Variants in CPA6 observed in about 807,000 individuals in gnomAD.
The protein encoded by CPA6 is carboxypeptidase B.
A neutral mutation model predicts 63.3 loss-of-function variants in CPA6; 58 were observed. That is an observed-to-expected ratio of 0.92 (90% CI 0.74 to 1.14). CPA6 has a LOEUF of 1.14. Ranked by LOEUF, CPA6 falls within the 50% of genes most tolerant of loss-of-function variation. The pLI is 0.00. For synonymous variants in CPA6, 185 were observed against 179.0 expected (o/e 1.03, Z -0.27); for missense variants, 565 against 526.6 (o/e 1.07, Z -0.71).
chr8:67,588,838 A>C (rs1397746890), intron 2 of CPA6, among the ~76,000 whole-genome samples: 1 of 152,198 alleles, frequency 6.6e-6, no homozygotes, highest in African/African-American at 2.4e-5. Context: ...AGCCAGGTTT[A>C]CATTAAAGAT....
intron 2 of CPA6, among the ~76,000 whole-genome samples, chr8:67,586,433 A>G (rs1377225001): frequency 6.6e-6 from 1 of 152,174 alleles, no homozygotes; most frequent in African/African-American, 2.4e-5. Context: ...AGTAAGTATT[A>G]TTACTACTAT....
chr8:67,449,378 T>G (rs1311247558), intron 8 of CPA6, among the ~76,000 whole-genome samples: 1 of 152,264 alleles, frequency 6.6e-6, no homozygotes, highest in Admixed American at 6.5e-5. Context: ...AAGTATGCTC[T>G]GATACAGGCA....
At chr8:67,631,834 C>T (rs1053132482) in intron 1 of CPA6, among the ~76,000 whole-genome samples, 1 of 152,026 alleles carries the variant, frequency 6.6e-6, no homozygotes, top group Non-Finnish European at 1.5e-5. Flanking sequence ...ATGAACAACT[C>T]CAGACGTGCC....
chr8:67,744,102 T>C (rs1817962970), intron 1 of CPA6, among the ~76,000 whole-genome samples: 1 of 152,208 alleles, frequency 6.6e-6, no homozygotes, highest in Non-Finnish European at 1.5e-5. Flanking sequence ...TGAGCAGCAT[T>C]TCTGTCTTTT....
At chr8:67,477,739 C>T (rs893077625) in intron 8 of CPA6, among the ~76,000 whole-genome samples, 1 of 152,176 alleles carries the variant, frequency 6.6e-6, no homozygotes, top group East Asian at 1.9e-4. Context: ...CAGAGCTTGT[C>T]TATTAATCTC....
intron 8 of CPA6, among the ~76,000 whole-genome samples, chr8:67,448,893 A>T (rs546906597): frequency 1.3e-5 from 2 of 152,192 alleles, no homozygotes; most frequent in East Asian, 3.9e-4. Context: ...CAACTCTGTC[A>T]GCATAATTTA....
intron 1 of CPA6, among the ~76,000 whole-genome samples, chr8:67,710,562 C>T (rs1254348397): frequency 1.3e-5 from 2 of 151,792 alleles, no homozygotes; most frequent in Non-Finnish European, 2.9e-5. Context: ...ATCTTATTGC[C>T]AAAAAGAGTC....
chr8:67,722,826 C>A (rs780865987), intron 1 of CPA6, among the ~76,000 whole-genome samples: 2 of 152,026 alleles, frequency 1.3e-5, no homozygotes, highest in Non-Finnish European at 2.9e-5. Context: ...TTACTTAGTT[C>A]AGTTCTTATG....
At chr8:67,562,783 T>A (rs1813245965) in intron 2 of CPA6, among the ~76,000 whole-genome samples, 1 of 152,208 alleles carries the variant, frequency 6.6e-6, no homozygotes, top group Non-Finnish European at 1.5e-5. Flanking sequence ...TCAATAGATG[T>A]TGAATCTGTT....
intron 1 of CPA6, among the ~76,000 whole-genome samples, chr8:67,654,061 T>C (rs1461967996): frequency 6.6e-6 from 1 of 152,218 alleles, no homozygotes; most frequent in African/African-American, 2.4e-5. Flanking sequence ...TTTGCATATA[T>C]TGAACCAGCC....
At chr8:67,505,810 T>C in intron 6 of CPA6, among the ~76,000 whole-genome samples, 1 of 151,556 alleles carries the variant, frequency 6.6e-6, no homozygotes, top group East Asian at 1.9e-4. Flanking sequence ...CCTAGGAGAG[T>C]TTTCAAAGTT....
intron 9 of CPA6, among the ~76,000 whole-genome samples, chr8:67,432,457 G>GTGAT (rs565032876): frequency 2.6e-5 from 4 of 151,972 alleles, no homozygotes; most frequent in Non-Finnish European, 4.4e-5. Context: ...CCTGAGTTGT[G>GTGAT]TGATTGATTG....
chr8:67,491,733 T>C (rs1811610037), intron 6 of CPA6, among the ~76,000 whole-genome samples: 1 of 152,202 alleles, frequency 6.6e-6, no homozygotes, highest in South Asian at 2.1e-4. Flanking sequence ...AAAGTACAGA[T>C]GTCTTCACTT....
intron 9 of CPA6, among the ~76,000 whole-genome samples, chr8:67,431,910 C>G (rs941813959): frequency 6.6e-6 from 1 of 152,098 alleles, no homozygotes; most frequent in Non-Finnish European, 1.5e-5. Flanking sequence ...AAGCCCCAAG[C>G]AATTGGTGCA....
chr8:67,466,434 T>C (rs1367493191), intron 8 of CPA6, among the ~76,000 whole-genome samples: 2 of 152,184 alleles, frequency 1.3e-5, no homozygotes, highest in African/African-American at 4.8e-5. Context: ...TTGTTGTTTG[T>C]ATGAATTTTT....
At chr8:67,461,408 CAGA>C (rs1414955533) in intron 8 of CPA6, among the ~76,000 whole-genome samples, 2 of 149,080 alleles carry the variant, frequency 1.3e-5, no homozygotes, top group Non-Finnish European at 3.0e-5. Flanking sequence ...GATCCCAAGG[CAGA>C]AGAATTTATC....
intron 2 of CPA6, among the ~76,000 whole-genome samples, chr8:67,591,453 A>C (rs773969288): frequency 2.0e-5 from 3 of 152,140 alleles, no homozygotes; most frequent in Non-Finnish European, 2.9e-5. Context: ...GGGGAGGGCA[A>C]TGAATCTATA....
intron 2 of CPA6, among the ~76,000 whole-genome samples, chr8:67,553,445 A>G (rs9657034): frequency 0.49 from 73,976 of 152,048 alleles, 19,210 homozygotes; most frequent in Non-Finnish European, 0.59. Flanking sequence ...CTAACTTTCC[A>G]TTTGTTTGAA....
chr8:67,472,121 C>T (rs1811071754), intron 8 of CPA6, among the ~76,000 whole-genome samples: 1 of 152,088 alleles, frequency 6.6e-6, no homozygotes, highest in South Asian at 2.1e-4. Flanking sequence ...TTTTTAAAAA[C>T]CTTACTCATA....
Sources: allele counts gnomAD v4.1 joint callset (sites outside exome capture counted in the v4.1 genomes callset), GRCh38; gene constraint gnomAD v4.1.1; transcripts MANE v1.5; gene names NCBI Gene and HGNC (gene_info 2026-07-23, HGNC 2026-07-21).